HDAC9: variants seen among roughly 807,000 people sequenced by gnomAD.
HDAC9 encodes histone deacetylase 9, also known as MEF-2 interacting transcription repressor (MITR) protein.
HDAC9 carries 41 observed loss-of-function variants against 139.4 expected under a neutral mutation model. That is an observed-to-expected ratio of 0.29 (90% CI 0.23 to 0.38). The LOEUF is 0.38. Ranked by LOEUF, HDAC9 falls within the 10% of genes least tolerant of loss-of-function variation. The pLI is 1.00. For missense variants in HDAC9, 1,147 were observed against 1,297.0 expected, an observed-to-expected ratio of 0.88 and a Z score of 1.78; for synonymous variants, 517 against 476.2, an observed-to-expected ratio of 1.09 and a Z score of -1.12.
At chr7:18,532,821 GTT>G (rs59616224) in intron 2 of HDAC9, among the ~76,000 whole-genome samples, 4 of 148,182 alleles carry the variant, frequency 2.7e-5, no homozygotes, top group South Asian at 2.1e-4. Flanking sequence ...GCTTTCTTCT[GTT>G]TTTTTTTTTA....
At chr7:18,747,202 G>T (rs951802987) in intron 13 of HDAC9, among the ~76,000 whole-genome samples, 1 of 152,186 alleles carries the variant, frequency 6.6e-6, no homozygotes, top group Admixed American at 6.6e-5. Context: ...ATGTATGCTG[G>T]CCTGGAGGAA....
chr7:18,935,436 C>A (rs1032797183), intron 22 of HDAC9, among the ~76,000 whole-genome samples: 1 of 151,978 alleles, frequency 6.6e-6, no homozygotes, highest in Non-Finnish European at 1.5e-5. Flanking sequence ...CCATTGATAG[C>A]GACAGGAAGC....
intron 1 of HDAC9, among the ~76,000 whole-genome samples, chr7:18,138,954 G>A (rs553683864): frequency 7.9e-4 from 120 of 152,126 alleles, no homozygotes; most frequent in African/African-American, 2.6e-3. Flanking sequence ...TTATGTTTAT[G>A]CTTACTAGCA....
intron 17 of HDAC9, among the ~76,000 whole-genome samples, chr7:18,824,078 G>GAAGAAGAAGAAGAAT (rs1795217807): frequency 6.6e-6 from 1 of 150,670 alleles, no homozygotes; most frequent in Non-Finnish European, 1.5e-5. Context: ...AGAAGAAGAA[G>GAAGAAGAAGAAGAAT]AAGAAGAAGA....
At chr7:18,156,684 C>T (rs1490485502) in intron 1 of HDAC9, among the ~76,000 whole-genome samples, 1 of 152,152 alleles carries the variant, frequency 6.6e-6, no homozygotes, top group Non-Finnish European at 1.5e-5. Context: ...TGAAAGTACT[C>T]CACTAACATA....
chr7:18,988,264 C>A (rs1284439698), intron 25 of HDAC9, among the ~76,000 whole-genome samples: 1 of 151,886 alleles, frequency 6.6e-6, no homozygotes, highest in Non-Finnish European at 1.5e-5. Context: ...TATGTTGTGT[C>A]TTTGTTCTCG....
chr7:18,911,149 T>C (rs75545656), intron 22 of HDAC9, among the ~76,000 whole-genome samples: 3 of 141,052 alleles, frequency 2.1e-5, no homozygotes, highest in African/African-American at 7.8e-5. Flanking sequence ...CTGTTCAGGC[T>C]TTTTTTTTTT....
At chr7:18,551,806 G>A (rs758364059) in intron 2 of HDAC9, among the ~76,000 whole-genome samples, 1 of 152,180 alleles carries the variant, frequency 6.6e-6, no homozygotes, top group Admixed American at 6.5e-5. Context: ...TAGATTTGGT[G>A]TTAACAGTTT....
At position 18,557,355 on chromosome 7, in the gene HDAC9, T is replaced by TTA. The variant is rs1554496489; in HGVS notation, c.23-27922_23-27921dup. Among the ~76,000 whole-genome samples the TTA allele has an allele frequency of 3.2e-3, 487 of 151,354 alleles. 12 individuals carry two copies. The East Asian group carries it at 0.068, about 21-fold the overall frequency. On this transcript the variant is annotated intron_variant, in intron 2 of 25. Coordinates refer to ENST00000686413, the MANE Select transcript of HDAC9 (RefSeq NM_178425.4). ...CAATGATGAGTTTTTTTTTTTTTTT[T>TTA]TATATCTAACCTTAATCCTCCTGGT...
At position 18,996,285 on chromosome 7, in the gene HDAC9, A is replaced by G; in HGVS notation, c.*223A>G. 1 of 457,628 alleles carries G rather than the reference A, an allele frequency of 2.2e-6. No individual in the cohort carries two copies. 28.3% of individuals were successfully genotyped at this position (457,628 alleles called of 1,614,324 possible). A position where few individuals can be genotyped will look rare whatever the true frequency, so the allele number is the denominator to read the frequency against. On this transcript the variant is annotated 3_prime_UTR_variant, in exon 26 of 26. Transcript: ENST00000686413. ...GTAACCGCTGTGATTCTAGAGTTAC[A>G]GTAAACCACGATTGGAAGAAACTGC...
chr7:18,431,327 C>T (rs1052726360), intron 1 of HDAC9, among the ~76,000 whole-genome samples: 2 of 152,090 alleles, frequency 1.3e-5, no homozygotes, highest in Admixed American at 1.3e-4. Context: ...GGAGATATTC[C>T]TTGAATCACT....
intron 1 of HDAC9, among the ~76,000 whole-genome samples, chr7:18,457,883 A>G (rs1793486156): frequency 6.6e-6 from 1 of 152,240 alleles, no homozygotes; most frequent in South Asian, 2.1e-4. Flanking sequence ...GATCACTTCC[A>G]TTGAAAGAGA....
chr7:18,136,707 C>G (rs957066469), intron 1 of HDAC9, among the ~76,000 whole-genome samples: 4 of 151,332 alleles, frequency 2.6e-5, no homozygotes, highest in African/African-American at 9.7e-5. Context: ...GTTACTGTAG[C>G]CTTGTAGTAT....
chr7:18,750,314 G>C (rs1788332465), intron 14 of HDAC9, among the ~76,000 whole-genome samples: 1 of 152,038 alleles, frequency 6.6e-6, no homozygotes, highest in African/African-American at 2.4e-5. Context: ...ATGTTACAAG[G>C]GAAATTAATT....
chr7:18,540,837 G>A (rs567714143), intron 2 of HDAC9, among the ~76,000 whole-genome samples: 2 of 152,252 alleles, frequency 1.3e-5, no homozygotes, highest in South Asian at 4.1e-4. Flanking sequence ...ACACTAATGA[G>A]CATTTAGCAT....
In HDAC9 at chr7:18,761,279, T is replaced by G. The variant is rs1489793879; in HGVS notation, c.2044-878T>G. Among the ~76,000 whole-genome samples the G allele has an allele frequency of 7.9e-5, 12 of 152,250 alleles. No individual in the cohort carries two copies. The South Asian group carries it at 2.5e-3, about 32-fold the overall frequency. ...AATTGAGGTTTGACCTAATGAACAG[T>G]TTTGCCTGTGTTGAAGGGCTGTAAT... On this transcript the variant is annotated intron_variant, in intron 14 of 25. Coordinates refer to ENST00000686413, the MANE Select transcript of HDAC9 (RefSeq NM_178425.4).
At chr7:18,834,730 G>T (rs1796108470) in intron 19 of HDAC9, among the ~76,000 whole-genome samples, 1 of 152,130 alleles carries the variant, frequency 6.6e-6, no homozygotes, top group African/African-American at 2.4e-5. Flanking sequence ...TTCGACTCTT[G>T]TGTTACCGTT....
intron 2 of HDAC9, among the ~76,000 whole-genome samples, chr7:18,189,923 GT>G (rs1790219780): frequency 3.7e-5 from 3 of 80,092 alleles, no homozygotes; most frequent in Non-Finnish European, 8.3e-5. Context: ...TGTGTGTGGT[GT>G]GTGTGTGTGT....
At chr7:18,886,428 G>A (rs1337701767) in intron 22 of HDAC9, among the ~76,000 whole-genome samples, 1 of 152,176 alleles carries the variant, frequency 6.6e-6, no homozygotes, top group African/African-American at 2.4e-5. Context: ...TGCAGCTAAT[G>A]TGTACTGTAT....
Sources: allele counts gnomAD v4.1 joint callset (sites outside exome capture counted in the v4.1 genomes callset), GRCh38; gene constraint gnomAD v4.1.1; transcripts MANE v1.5; gene names NCBI Gene and HGNC (gene_info 2026-07-23, HGNC 2026-07-21).